TMED5: variants seen among roughly 807,000 people sequenced by gnomAD.
TMED5 encodes the protein transmembrane emp24 domain-containing protein 5.
A neutral mutation model predicts 23.0 loss-of-function variants in TMED5; 27 were observed. The observed-to-expected ratio is 1.17, with a 90% CI of 0.86 to 1.62. The LOEUF is 1.62. TMED5 is among the 40% of genes most tolerant of loss of function. The pLI is 0.00. For missense variants in TMED5, 248 were observed against 273.7 expected, an observed-to-expected ratio of 0.91 and a Z score of 0.66; for synonymous variants, 97 against 100.8, an observed-to-expected ratio of 0.96 and a Z score of 0.23.
At chr1:93,159,662 C>A (rs567743867) in intron 2 of TMED5, among the ~76,000 whole-genome samples, 8 of 133,980 alleles carry the variant, frequency 6.0e-5, no homozygotes, top group African/African-American at 1.9e-4. Flanking sequence ...TTACCTAAAA[C>A]GAATGAGGTC....
chr1:93,156,352 T>C lies in TMED5; in HGVS notation c.419A>G (p.Lys140Arg), dbSNP rs1208216856. 3.7e-6 allele frequency: 6 copies of C among 1,614,004 alleles called. No homozygotes were observed. The East Asian group carries it at 8.9e-5, about 24-fold the overall frequency. Reference sequence around the variant, plus strand: ...TATATCTGTGCCAGTAATATATTTCTTCCAATCTTCTTGTTCTTGTGCCTG... The same window carrying C: ...TATATCTGTGCCAGTAATATATTTCCTCCAATCTTCTTGTTCTTGTGCCTG... ...GEQAQEQEDW[K>R]KYITGTDILD... The change falls in exon 3 of 4, where the codon AAG (lysine) becomes AGG (arginine). Residue 140 changes from lysine to arginine, a missense_variant. Lys to Arg is a conservative substitution (Grantham distance 26). Transcript: ENST00000370282.
chr1:93,176,460 T>C (rs567639559), intron 1 of TMED5, among the ~76,000 whole-genome samples: 3 of 152,272 alleles, frequency 2.0e-5, no homozygotes, highest in Admixed American at 6.5e-5. Context: ...CATGTATTTG[T>C]GTAATAATTT....
chr1:93,178,674 G>C (rs1418471362), intron 1 of TMED5, among the ~76,000 whole-genome samples: 1 of 152,106 alleles, frequency 6.6e-6, no homozygotes, highest in African/African-American at 2.4e-5. Context: ...TGGAAATCAA[G>C]AAACACTGAG....
chr1:93,170,225 C>G (rs1203828009), intron 1 of TMED5, among the ~76,000 whole-genome samples: 1 of 152,208 alleles, frequency 6.6e-6, no homozygotes, highest in Non-Finnish European at 1.5e-5. Context: ...CTGGGCTGGC[C>G]AAGGCCGCAG....
intron 2 of TMED5, chr1:93,158,759 G>A (rs556229394): frequency 1.2e-5 from 2 of 171,848 alleles, no homozygotes; most frequent in African/African-American, 4.8e-5. Context: ...GTAGAGACAA[G>A]GTTTCACCAT....
chr1:93,165,795 ATTAAG>A (rs926181366), intron 1 of TMED5, among the ~76,000 whole-genome samples: 3 of 152,248 alleles, frequency 2.0e-5, no homozygotes, highest in Non-Finnish European at 4.4e-5. Context: ...AAAAAGAACA[ATTAAG>A]TTATGATTGA....
At chr1:93,179,516 T>C (rs534913550) in intron 1 of TMED5, among the ~76,000 whole-genome samples, 19 of 152,324 alleles carry the variant, frequency 1.2e-4, no homozygotes, top group Middle Eastern at 6.8e-3. Context: ...TCATTAAATA[T>C]AGCAACAGCG....
intron 1 of TMED5, among the ~76,000 whole-genome samples, chr1:93,163,628 C>G (rs1557574777): frequency 6.6e-6 from 1 of 151,286 alleles, no homozygotes; most frequent in Non-Finnish European, 1.5e-5. Flanking sequence ...CAGGTGTGAG[C>G]CACTGTGCCT....
chr1:93,154,938 A>AACTT, intron 3 of TMED5, 50 bp from the exon 4 acceptor site: 1 of 1,349,240 alleles, frequency 7.4e-7, no homozygotes, highest in Non-Finnish European at 1.0e-6. Flanking sequence ...CAGAAATTTT[A>AACTT]ACTTAATTAA....
intron 2 of TMED5, chr1:93,158,871 T>G: frequency 1.1e-6 from 1 of 948,742 alleles, no homozygotes; most frequent in Non-Finnish European, 1.3e-6. Flanking sequence ...TGGCCCATTT[T>G]TACTTCTTAT....
chr1:93,170,078 T>G (rs1648657914), intron 1 of TMED5, among the ~76,000 whole-genome samples: 1 of 152,026 alleles, frequency 6.6e-6, no homozygotes, highest in African/African-American at 2.4e-5. Context: ...AAAATATAAA[T>G]AAAAGGATAA....
intron 1 of TMED5, among the ~76,000 whole-genome samples, chr1:93,170,764 G>C (rs371983036): frequency 2.0e-5 from 3 of 152,318 alleles, no homozygotes; most frequent in African/African-American, 7.2e-5. Context: ...AGCACTCTGT[G>C]TCTAGCTCAG....
At chr1:93,166,194 T>C (rs927394718) in intron 1 of TMED5, among the ~76,000 whole-genome samples, 8 of 152,228 alleles carry the variant, frequency 5.3e-5, no homozygotes, top group African/African-American at 1.7e-4. Flanking sequence ...CTTCCAAATT[T>C]TGGCTGTTGT....
intron 1 of TMED5, among the ~76,000 whole-genome samples, chr1:93,175,476 A>C (rs1013037547): frequency 4.7e-5 from 7 of 150,330 alleles, no homozygotes; most frequent in African/African-American, 1.7e-4. Context: ...GTGTGTATGT[A>C]TATAAAACAA....
chr1:93,169,659 C>T (rs1037128308), intron 1 of TMED5, among the ~76,000 whole-genome samples: 2 of 150,994 alleles, frequency 1.3e-5, no homozygotes, highest in Non-Finnish European at 3.0e-5. Flanking sequence ...TAACAAACCT[C>T]TAGTCAGGCA....
intron 1 of TMED5, chr1:93,161,008 T>A (rs1273387536): frequency 6.6e-6 from 1 of 152,250 alleles, no homozygotes; most frequent in African/African-American, 2.4e-5. Flanking sequence ...CTTCCCAGTA[T>A]GAATTGTGTA....
chr1:93,155,306 A>G lies in TMED5; in HGVS notation c.472-418T>C, dbSNP rs149700915. ...TTAAGTTAGATGGCTGCACAATTCA[A>G]TTAAAGGGCAGGTACTATTTATATT... On this transcript the variant is annotated intron_variant, in intron 3 of 3. Coordinates refer to ENST00000370282, the MANE Select transcript of TMED5 (RefSeq NM_016040.5). 5.3e-5 allele frequency among the ~76,000 whole-genome samples: 8 copies of G among 152,326 alleles called. No homozygotes were observed. The East Asian group carries it at 1.5e-3, about 29-fold the overall frequency.
rs990844661 is a variant in TMED5, at chr1:93,153,373, T to C, written c.*1297A>G. 1 of 152,112 alleles carries C rather than the reference T, an allele frequency of 6.6e-6. No homozygotes were observed. The highest frequency in any genetic ancestry group is 2.4e-5 in the African/African-American group (1 of 41,430). 9.4% of individuals were successfully genotyped at this position (152,112 alleles called of 1,614,324 possible). A position where few individuals can be genotyped will look rare whatever the true frequency, so the allele number is the denominator to read the frequency against. On this transcript the variant is annotated 3_prime_UTR_variant, in exon 4 of 4. Coordinates refer to ENST00000370282, the MANE Select transcript of TMED5 (RefSeq NM_016040.5). ...TTCAGAAAGGCCATTTTAATAAAAG[T>C]TGTTATAATAAAAATTTTTAATAAA...
intron 1 of TMED5, 140 bp from the exon 2 acceptor site, chr1:93,160,366 ACCAAAAGATCAT>A (rs1648224896): frequency 1.9e-6 from 1 of 525,888 alleles, no homozygotes; most frequent in Non-Finnish European, 3.4e-6. Flanking sequence ...CTAGAAAAGA[ACCAAAAGATCAT>A]CTAGTTCAAT....
Sources: gnomAD v4.1 joint callset for allele counts (sites outside exome capture counted in the v4.1 genomes callset) on GRCh38, gnomAD v4.1.1 for gene constraint, MANE v1.5 for transcripts, NCBI Gene and HGNC (gene_info 2026-07-23, HGNC 2026-07-21) for gene names.